CDH12: variants seen among roughly 807,000 people sequenced by gnomAD.
CDH12 encodes the protein cadherin-12.
CDH12 carries 41 observed loss-of-function variants against 74.1 expected under a neutral mutation model. That is an observed-to-expected ratio of 0.55 (90% CI 0.43 to 0.72). CDH12 has a LOEUF of 0.72. Among genes scored for constraint, CDH12 ranks in the 30% least tolerant of loss-of-function variants. The pLI, the probability that CDH12 is intolerant of heterozygous loss-of-function variation, is 0.00. For missense variants in CDH12, 945 were observed against 977.2 expected, an observed-to-expected ratio of 0.97 and a Z score of 0.44; for synonymous variants, 399 against 355.0, an observed-to-expected ratio of 1.12 and a Z score of -1.39.
At chr5:22,581,193 C>A (rs1272151971) in intron 1 of CDH12, among the ~76,000 whole-genome samples, 1 of 152,208 alleles carries the variant, frequency 6.6e-6, no homozygotes, top group Non-Finnish European at 1.5e-5. Flanking sequence ...CAGCCCCTCC[C>A]ATCACAGGCC....
intron 1 of CDH12, among the ~76,000 whole-genome samples, chr5:22,675,319 C>T (rs1185536642): frequency 1.3e-5 from 2 of 152,142 alleles, no homozygotes; most frequent in African/African-American, 2.4e-5. Context: ...CAAGCCTTGG[C>T]AGCTTCCAAG....
intron 3 of CDH12, among the ~76,000 whole-genome samples, chr5:22,345,956 A>T (rs1838317): frequency 6.6e-6 from 1 of 152,146 alleles, no homozygotes; most frequent in East Asian, 2.0e-4. Context: ...ATACAAAAAA[A>T]TTAGCTGGCT....
chr5:22,636,347 C>A lies in CDH12; in HGVS notation c.-522-130983G>T, dbSNP rs533363862. 2.5e-4 allele frequency among the ~76,000 whole-genome samples: 38 copies of A among 152,028 alleles called. 1 individual carries two copies. Among genetic ancestry groups the A allele is most frequent in the Non-Finnish European group, 4.7e-4 (32 of 67,964 alleles). On this transcript the variant is annotated intron_variant, in intron 1 of 14. Transcript: ENST00000382254. Reference sequence around the variant, plus strand: ...ATGCAAGAGACATGCAAACATATGTCCAAACAAAAACTTGAAGTGAATATT... The same window carrying A: ...ATGCAAGAGACATGCAAACATATGTACAAACAAAAACTTGAAGTGAATATT...
rs772958590 is a variant in CDH12, at chr5:22,078,661, A to C, written c.16T>G (p.Cys6Gly). ...AGAACCCAGAGAAGCAGGGATAAAC[A>C]GTTCCTTGTAAGCATTGGCAAAGGC... is the stretch of plus-strand genomic sequence containing the variant. MLTRNCLSLLLWVLFD... is the reference protein window; with the variant it reads MLTRNGLSLLLWVLFD... The change falls in exon 5 of 15, where the codon TGT becomes GGT. Residue 6 changes from cysteine to glycine, a missense_variant. Around this residue, in one of 3 missense-constraint regions of CDH12, gnomAD observed 148 missense variants for 162.8 expected, o/e 0.91. Transcript: ENST00000382254. 17 of 1,613,566 alleles carry C rather than the reference A, an allele frequency of 1.1e-5. No homozygotes were observed. In the Admixed American group the frequency reaches 2.5e-4, roughly 24 times the overall value.
At chr5:22,594,967 C>A (rs924081812) in intron 1 of CDH12, among the ~76,000 whole-genome samples, 3 of 152,150 alleles carry the variant, frequency 2.0e-5, no homozygotes, top group Non-Finnish European at 4.4e-5. Context: ...TTATTCAGAA[C>A]ATAATAATGT....
intron 13 of CDH12, among the ~76,000 whole-genome samples, chr5:21,757,452 C>T (rs1442502379): frequency 1.3e-5 from 2 of 152,100 alleles, no homozygotes; most frequent in African/African-American, 4.8e-5. Flanking sequence ...AGCCACCGCA[C>T]CCAGCCCAAT....
At chr5:22,253,183 C>CATTTTTGT (rs1561257422) in intron 3 of CDH12, among the ~76,000 whole-genome samples, 1 of 151,378 alleles carries the variant, frequency 6.6e-6, no homozygotes, top group Non-Finnish European at 1.5e-5. Flanking sequence ...GAGAATATTT[C>CATTTTTGT]ATTTTTGTAT....
At chr5:22,575,514 T>A (rs1260879151) in intron 1 of CDH12, among the ~76,000 whole-genome samples, 1 of 152,022 alleles carries the variant, frequency 6.6e-6, no homozygotes, top group East Asian at 1.9e-4. Flanking sequence ...CACATCAGCC[T>A]CCCAAGTGGG....
intron 3 of CDH12, among the ~76,000 whole-genome samples, chr5:22,359,002 T>C (rs1297923927): frequency 1.3e-5 from 2 of 152,176 alleles, no homozygotes; most frequent in African/African-American, 4.8e-5. Context: ...CCATCAATGC[T>C]AGGAAGAAAC....
intron 1 of CDH12, among the ~76,000 whole-genome samples, chr5:22,545,904 T>C (rs1738304008): frequency 6.6e-6 from 1 of 152,054 alleles, no homozygotes; most frequent in Non-Finnish European, 1.5e-5. Flanking sequence ...TATACAGTAA[T>C]GTCACTTAAA....
chr5:22,732,413 G>A (rs1384907668), intron 1 of CDH12, among the ~76,000 whole-genome samples: 1 of 151,478 alleles, frequency 6.6e-6, no homozygotes, highest in Non-Finnish European at 1.5e-5. Flanking sequence ...ATGGATTTGA[G>A]AGGGAGACAA....
intron 6 of CDH12, among the ~76,000 whole-genome samples, chr5:21,929,739 A>G (rs1754750890): frequency 6.6e-6 from 1 of 151,990 alleles, no homozygotes; most frequent in Non-Finnish European, 1.5e-5. Flanking sequence ...GCTGGTCTTG[A>G]ACTCCTGGAC....
chr5:22,023,327 C>T (rs559224403), intron 5 of CDH12, among the ~76,000 whole-genome samples: 1 of 152,140 alleles, frequency 6.6e-6, no homozygotes, highest in South Asian at 2.1e-4. Context: ...CCTGTTATTT[C>T]TTGCCTTCAT....
At chr5:22,682,902 T>G (rs1463418466) in intron 1 of CDH12, among the ~76,000 whole-genome samples, 3 of 152,092 alleles carry the variant, frequency 2.0e-5, no homozygotes, top group Non-Finnish European at 4.4e-5. Flanking sequence ...GAAGAAAAAT[T>G]CACAGCCATG....
Position 22,836,223 on chromosome 5 carries a change from C to CTTTTTTTTTTTTTTTTTTTTTT in CDH12, c.-523+16834_-523+16835insAAAAAAAAAAAAAAAAAAAAAA, listed in dbSNP as rs61616737. ...TTTTTTTCTTTTTTTCTTTCTTTCT[C>CTTTTTTTTTTTTTTTTTTTTTT]TTTTTTTTTTTTTTTTTTGAGACAG... On this transcript the variant is annotated intron_variant, in intron 1 of 14. Transcript: ENST00000382254. Among the ~76,000 whole-genome samples the CTTTTTTTTTTTTTTTTTTTTTT allele has an allele frequency of 2.0e-3, 133 of 65,504 alleles. 18 individuals are homozygous for CTTTTTTTTTTTTTTTTTTTTTT. The highest frequency in any genetic ancestry group is 2.9e-3 in the Admixed American group (10 of 3,470). 43.0% of individuals were successfully genotyped at this position (65,504 alleles called of 152,430 possible).
intron 3 of CDH12, among the ~76,000 whole-genome samples, chr5:22,251,999 T>C (rs933987519): frequency 1.1e-4 from 17 of 152,266 alleles, no homozygotes; most frequent in African/African-American, 3.8e-4. Flanking sequence ...TTTAACATTA[T>C]AGAGGAATTA....
At chr5:21,804,644 ACACACACACACACAC>A (rs1300488610) in intron 9 of CDH12, among the ~76,000 whole-genome samples, 4 of 56,428 alleles carry the variant, frequency 7.1e-5, no homozygotes, top group African/African-American at 2.3e-4. Context: ...GTGAATTAAA[ACACACACACACACAC>A]ACACACACAC....
rs139799327 is a variant in CDH12 at position 22,785,519 on chromosome 5, T to G, written c.-523+67539A>C. ...GTTATGTTTTGTTGTTGGTGGTTTT[T>G]TGTTTTATTTATTTATTTGAGACAA... On this transcript the variant is annotated intron_variant, in intron 1 of 14. Coordinates refer to ENST00000382254, the MANE Select transcript of CDH12 (RefSeq NM_004061.5). Among the ~76,000 whole-genome samples the G allele has an allele frequency of 1.9e-4, 29 of 152,270 alleles. No individual in the cohort carries two copies. The East Asian group carries it at 4.3e-3, about 22-fold the overall frequency.
chr5:22,621,630 TA>T (rs1737977864), intron 1 of CDH12, among the ~76,000 whole-genome samples: 1 of 152,112 alleles, frequency 6.6e-6, no homozygotes, highest in South Asian at 2.1e-4. Flanking sequence ...TCTCTGGCAA[TA>T]TTAATCAAGA....
Sources: allele counts gnomAD v4.1 joint callset (sites outside exome capture counted in the v4.1 genomes callset), GRCh38; gene constraint gnomAD v4.1.1; regional missense constraint gnomAD v4.1.1; transcripts MANE v1.5; gene names NCBI Gene and HGNC (gene_info 2026-07-23, HGNC 2026-07-21).